The following NFASC variants were observed in gnomAD, a reference collection of about 807,000 sequenced individuals.
NFASC encodes neurofascin homolog.
In NFASC, 43 loss-of-function variants were observed where a neutral mutation model predicts 147.5. That is an observed-to-expected ratio of 0.29 (90% CI 0.23 to 0.38). The LOEUF (loss-of-function observed/expected upper bound fraction) is 0.38, where lower values mean the gene tolerates loss of function less well. Among genes scored for constraint, NFASC ranks in the 10% least tolerant of loss-of-function variants. The probability of loss-of-function intolerance (pLI) is 1.00; values close to 1 mark genes in which losing one functional copy is unlikely to be tolerated. For synonymous variants in NFASC, 622 were observed against 665.5 expected (o/e 0.93, Z 1.01); for missense variants, 1,320 against 1,689.0 (o/e 0.78, Z 3.83).
chr1:204,974,497 C>T, intron 13 of NFASC, 160 bp from the exon 14 acceptor site: 1 of 934,598 alleles, frequency 1.1e-6, no homozygotes, highest in South Asian at 1.4e-5. Flanking sequence ...TTGCCAGGGC[C>T]ACCTGGTGGC....
chr1:204,850,179 G>A lies in NFASC; in HGVS notation c.-200+21397G>A, dbSNP rs575622242. On this transcript the variant is annotated intron_variant, in intron 1 of 29. Coordinates refer to ENST00000339876, the MANE Select transcript of NFASC (RefSeq NM_001005388.3). ...GTTTCTTCATTAGAAAATTCTGTGA[G>A]GCAATGAGTGAAGTGATGGTGAACA... 3.3e-4 allele frequency among the ~76,000 whole-genome samples: 50 copies of A among 152,328 alleles called. No individual in the cohort carries two copies. In the South Asian group the frequency reaches 9.7e-3, roughly 30 times the overall value.
chr1:204,950,119 TC>T (rs2094007603), intron 3 of NFASC, among the ~76,000 whole-genome samples: 1 of 152,214 alleles, frequency 6.6e-6, no homozygotes, highest in Non-Finnish European at 1.5e-5. Context: ...TCCAATCCAC[TC>T]CCTTCCTGGC....
Position 204,951,215 on chromosome 1 carries a change from C to A in NFASC, c.109+641C>A, listed in dbSNP as rs912230842. Among the ~76,000 whole-genome samples, 6 of 145,716 alleles carry A rather than the reference C, an allele frequency of 4.1e-5. No individual in the cohort carries two copies. In the Admixed American group the frequency reaches 4.2e-4, roughly 10 times the overall value. ...CCAGGCTGGAGTACAGCAGCACAAT[C>A]TGGGTTCACTGCAGCCTCAGCCTCC... is the stretch of plus-strand genomic sequence containing the variant. On this transcript the variant is annotated intron_variant, in intron 4 of 29. Coordinates refer to ENST00000339876, the MANE Select transcript of NFASC (RefSeq NM_001005388.3).
chr1:205,007,830 A>G (rs1160167180), intron 27 of NFASC, among the ~76,000 whole-genome samples: 1 of 152,172 alleles, frequency 6.6e-6, no homozygotes, highest in Non-Finnish European at 1.5e-5. Flanking sequence ...GGTCAGGATA[A>G]GGAATGGAGA....
At chr1:204,911,135 TTA>T (rs1491318233) in intron 1 of NFASC, among the ~76,000 whole-genome samples, 1 of 152,202 alleles carries the variant, frequency 6.6e-6, no homozygotes, top group Non-Finnish European at 1.5e-5. Context: ...TTTCTGGGTT[TTA>T]AAAAAATCAT....
At chr1:204,952,978 ACT>A (rs1383904240) in intron 5 of NFASC, among the ~76,000 whole-genome samples, 1 of 151,920 alleles carries the variant, frequency 6.6e-6, no homozygotes, top group African/African-American at 2.4e-5. Flanking sequence ...ACCAGCAGGG[ACT>A]CTCTCGCTGG....
rs747355628 is a variant in NFASC, at chr1:205,001,229, A to G, written c.3079A>G (p.Ile1027Val). The G allele has an allele frequency of 3.1e-6, 5 of 1,612,824 alleles. No individual in the cohort carries two copies. The African/African-American group carries it at 4.0e-5, about 13-fold the overall frequency. The change falls in exon 26 of 30, where the codon ATC becomes GTC. Residue 1027 changes from isoleucine (I) to valine (V), a missense_variant. Ile to Val is a conservative substitution (Grantham distance 29, BLOSUM62 3). Coordinates refer to ENST00000339876, the MANE Select transcript of NFASC (RefSeq NM_001005388.3). ...TVLPNSKWAN[I>V]TWKHNFGPGT... ...GCTCCCCAACAGTAAATGGGCCAAC[A>G]TCACCTGGAAGCACAATTTCGGGCC...
chr1:204,978,980 G>T lies in NFASC; in HGVS notation c.1889G>T (p.Arg630Leu). 1 of 1,555,808 alleles carries T rather than the reference G, an allele frequency of 6.4e-7. No homozygotes were observed. Among genetic ancestry groups the T allele is most frequent in the South Asian group, 1.2e-5 (1 of 84,368 alleles). ...CTTCTGCCACCAGGACGGCCAGACC[G>T]GCCCCGGGACCTGGAGCTGACCGAC... is the stretch of plus-strand genomic sequence containing the variant. ...LAALPKGRPD[R>L]PRDLELTDLA... The change falls in exon 18 of 30, where the codon CGG becomes CTG. Residue 630 changes from arginine (R) to leucine (L), a missense_variant. This residue lies in a region of NFASC where 981 missense variants were observed against 1,289.5 expected (regional missense o/e 0.76). Transcript: ENST00000339876.
At position 204,977,066 on chromosome 1, in the gene NFASC, G is replaced by A. The variant is rs994962280; in HGVS notation, c.1831+271G>A. 6.5e-6 allele frequency: 8 copies of A among 1,237,854 alleles called. No individual in the cohort carries two copies. In the African/African-American group the frequency reaches 1.1e-4, roughly 17 times the overall value. 76.7% of individuals were successfully genotyped at this position (1,237,854 alleles called of 1,614,324 possible). ...GAGTGATATAGAGAAAGTGGAGAGGGGTTTCTCGTTGTGATCATTTTACCT... is the reference window on the plus strand; with the variant it reads ...GAGTGATATAGAGAAAGTGGAGAGGAGTTTCTCGTTGTGATCATTTTACCT... On this transcript the variant is annotated intron_variant, in intron 16 of 29. Transcript: ENST00000339876.
chr1:204,960,079 A>G (rs980301330), intron 8 of NFASC, among the ~76,000 whole-genome samples: 1 of 152,042 alleles, frequency 6.6e-6, no homozygotes, highest in African/African-American at 2.4e-5. Context: ...TGCTCTCTCT[A>G]CTTTCCTGTC....
intron 1 of NFASC, among the ~76,000 whole-genome samples, chr1:204,859,314 G>A (rs1255715722): frequency 1.3e-5 from 2 of 152,148 alleles, no homozygotes; most frequent in Non-Finnish European, 2.9e-5. Context: ...CCAGGCAGCC[G>A]GGCAGGGTCT....
chr1:204,966,602 G>C (rs960852884), intron 8 of NFASC, among the ~76,000 whole-genome samples: 2 of 152,290 alleles, frequency 1.3e-5, no homozygotes, highest in South Asian at 2.1e-4. Context: ...AGACATAGAT[G>C]ATAACCAATT....
intron 15 of NFASC, among the ~76,000 whole-genome samples, chr1:204,976,259 G>A (rs2095401145): frequency 6.6e-6 from 1 of 152,168 alleles, no homozygotes. Context: ...CCTGAGCATG[G>A]GTGCAGAGGA....
At chr1:204,833,783 A>G (rs552953855) in intron 1 of NFASC, among the ~76,000 whole-genome samples, 3 of 152,350 alleles carry the variant, frequency 2.0e-5, no homozygotes, top group South Asian at 4.1e-4. Flanking sequence ...GACATGGCAC[A>G]GTAGAAACCA....
chr1:204,904,300 G>T (rs893627488), intron 1 of NFASC, among the ~76,000 whole-genome samples: 2 of 152,124 alleles, frequency 1.3e-5, no homozygotes, highest in Non-Finnish European at 2.9e-5. Flanking sequence ...GTTTTGCCGT[G>T]TTGCCCAGGC....
rs1239363071 is a variant in NFASC at position 204,975,419 on chromosome 1, G to GT, written c.1706+4dup. On this transcript the variant is annotated splice_donor_variant, in intron 15 of 29. Coordinates refer to ENST00000339876, the MANE Select transcript of NFASC (RefSeq NM_001005388.3). LOFTEE classifies it high-confidence loss of function. The surrounding 1 kb of genome is among the most constrained non-coding windows in gnomAD (Gnocchi z 4.0). ...ACGAGCCGCTCTATATTGGAAACAG[G>GT]TTTCTCTTCCCCCTTCCCCCTTCCT... The GT allele has an allele frequency of 6.2e-7, 1 of 1,609,914 alleles. No homozygotes were observed. The highest frequency in any genetic ancestry group is 1.7e-5 in the Admixed American group (1 of 59,862).
At chr1:204,840,992 A>T (rs1237368018) in intron 1 of NFASC, among the ~76,000 whole-genome samples, 1 of 152,266 alleles carries the variant, frequency 6.6e-6, no homozygotes, top group Non-Finnish European at 1.5e-5. Flanking sequence ...AGTGTTTTAC[A>T]GATAAATGAT....
intron 4 of NFASC, 145 bp downstream of exon 4, chr1:204,950,719 G>A (rs890732695): frequency 2.9e-5 from 22 of 765,710 alleles, no homozygotes; most frequent in African/African-American, 2.6e-4. Context: ...ATCTTACTGC[G>A]GGGGAAGGAA....
chr1:204,950,451 C>G, intron 3 of NFASC, 106 bp from the exon 4 acceptor site: 1 of 1,058,030 alleles, frequency 9.5e-7, no homozygotes, highest in Non-Finnish European at 1.4e-6. Flanking sequence ...CCAGGCACAC[C>G]CCGCCCACTC....
Sources: allele counts gnomAD v4.1 joint callset (sites outside exome capture counted in the v4.1 genomes callset), GRCh38; gene constraint gnomAD v4.1.1; regional missense constraint gnomAD v4.1.1; non-coding constraint Gnocchi (gnomAD v3.1); transcripts MANE v1.5; gene names NCBI Gene and HGNC (gene_info 2026-07-23, HGNC 2026-07-21).